Variants in FOXP4 observed in about 807,000 individuals in gnomAD.
FOXP4 encodes the protein forkhead box P4.
A neutral mutation model predicts 82.6 loss-of-function variants in FOXP4; 25 were observed. The observed-to-expected ratio is 0.30, with a 90% CI of 0.22 to 0.42. FOXP4 has a LOEUF of 0.42. Among genes scored for constraint, FOXP4 ranks in the 10% least tolerant of loss-of-function variants. FOXP4 has a pLI of 1.00. For missense variants in FOXP4, 785 were observed against 900.9 expected (o/e 0.87, Z 1.65); for synonymous variants, 415 against 388.2 (o/e 1.07, Z -0.81).
At chr6:41,590,618 A>G (rs1349414694) in intron 12 of FOXP4, among the ~76,000 whole-genome samples, 1 of 152,074 alleles carries the variant, frequency 6.6e-6, no homozygotes, top group Non-Finnish European at 1.5e-5. Flanking sequence ...ATTTCCACGT[A>G]CACAGCCCGC....
chr6:41,597,276 C>T lies in FOXP4; in HGVS notation c.1725+34C>T, dbSNP rs768763448. 5.6e-6 allele frequency: 9 copies of T among 1,604,812 alleles called. No homozygotes were observed. The Admixed American group carries it at 1.0e-4, about 18-fold the overall frequency. ...CCCAGAGCCCACCCACTCACCTCTACCTCCCGCCCCCTTGCTTTCTCATAC... is the reference window on the plus strand; with the variant it reads ...CCCAGAGCCCACCCACTCACCTCTATCTCCCGCCCCCTTGCTTTCTCATAC... On this transcript the variant is annotated intron_variant, in intron 15 of 16. Transcript: ENST00000307972.
intron 3 of FOXP4, among the ~76,000 whole-genome samples, chr6:41,584,335 G>C (rs996511253): frequency 2.0e-5 from 3 of 152,218 alleles, no homozygotes; most frequent in Admixed American, 1.3e-4. Flanking sequence ...AATAGACTGC[G>C]TGAGACTATG....
chr6:41,564,827 T>G (rs1210786546), intron 1 of FOXP4, among the ~76,000 whole-genome samples: 1 of 152,210 alleles, frequency 6.6e-6, no homozygotes, highest in Non-Finnish European at 1.5e-5. Context: ...CTTCCTTCAC[T>G]GCACACCTCC....
chr6:41,576,700 A>G (rs1765508809), intron 2 of FOXP4, among the ~76,000 whole-genome samples: 1 of 152,166 alleles, frequency 6.6e-6, no homozygotes, highest in Non-Finnish European at 1.5e-5. Flanking sequence ...GATGCCAAAC[A>G]TTGGTCCTTT....
At chr6:41,574,947 T>C (rs1765392109) in intron 2 of FOXP4, among the ~76,000 whole-genome samples, 1 of 150,482 alleles carries the variant, frequency 6.6e-6, no homozygotes. Context: ...TTATCATTCG[T>C]GTTTTGTTTT....
At chr6:41,557,442 T>C (rs1764336773) in intron 1 of FOXP4, among the ~76,000 whole-genome samples, 1 of 152,212 alleles carries the variant, frequency 6.6e-6, no homozygotes, top group South Asian at 2.1e-4. Flanking sequence ...CCATAGAGTA[T>C]CCTGTTCCCA....
chr6:41,554,143 C>A (rs1007415886), intron 1 of FOXP4, among the ~76,000 whole-genome samples: 1 of 152,168 alleles, frequency 6.6e-6, no homozygotes, highest in East Asian at 1.9e-4. Flanking sequence ...TTATCACTCT[C>A]ATTTGATAGG....
intron 2 of FOXP4, among the ~76,000 whole-genome samples, chr6:41,575,357 A>G (rs1765420996): frequency 1.3e-5 from 2 of 152,124 alleles, no homozygotes; most frequent in South Asian, 2.1e-4. Context: ...GTGTATCCCC[A>G]GCCCCTAGCC....
chr6:41,555,846 A>G (rs1002658753), intron 1 of FOXP4, among the ~76,000 whole-genome samples: 1 of 152,224 alleles, frequency 6.6e-6, no homozygotes, highest in Non-Finnish European at 1.5e-5. Flanking sequence ...TGCATTAGTA[A>G]CAAGCAGGGA....
intron 2 of FOXP4, among the ~76,000 whole-genome samples, chr6:41,570,742 G>C (rs777442702): frequency 5.3e-5 from 8 of 152,180 alleles, no homozygotes; most frequent in Non-Finnish European, 1.0e-4. Flanking sequence ...TGGGGATACA[G>C]AGGAGAATTT....
In FOXP4 at chr6:41,597,054, G is replaced by A; in HGVS notation, c.1659-122G>A. ...CCAAGACAGCGGCTGATCCGCCCTGGCCTCCCGGAATAGGGAATGGGACCC... is the reference window on the plus strand; with the variant it reads ...CCAAGACAGCGGCTGATCCGCCCTGACCTCCCGGAATAGGGAATGGGACCC... On this transcript the variant is annotated intron_variant, in intron 14 of 16. Transcript: ENST00000307972. 7.8e-6 allele frequency: 8 copies of A among 1,024,964 alleles called. No homozygotes were observed. In the South Asian group the frequency reaches 1.1e-4, roughly 14 times the overall value. 63.5% of individuals were successfully genotyped at this position (1,024,964 alleles called of 1,614,324 possible).
chr6:41,589,942 T>C (rs1159587172), intron 10 of FOXP4, 21 bp from the exon 11 acceptor site: 1 of 1,613,296 alleles, frequency 6.2e-7, no homozygotes, highest in Admixed American at 1.7e-5. Context: ...CTGGTCTCAG[T>C]ACCCTCCCCG....
intron 2 of FOXP4, among the ~76,000 whole-genome samples, chr6:41,568,629 C>T (rs1348712848): frequency 6.6e-6 from 1 of 152,184 alleles, no homozygotes; most frequent in Non-Finnish European, 1.5e-5. Flanking sequence ...TCTGCAAACT[C>T]GATAGGAAGT....
At chr6:41,567,163 G>A (rs951857764) in intron 2 of FOXP4, among the ~76,000 whole-genome samples, 1 of 152,190 alleles carries the variant, frequency 6.6e-6, no homozygotes. Context: ...TTAACCAGTG[G>A]CATGACCTTG....
chr6:41,555,074 C>A (rs1349419868), intron 1 of FOXP4, among the ~76,000 whole-genome samples: 1 of 152,002 alleles, frequency 6.6e-6, no homozygotes, highest in Non-Finnish European at 1.5e-5. Context: ...TATGGTGAAA[C>A]CCCCTCTCTA....
chr6:41,587,453 C>A lies in FOXP4; in HGVS notation c.813C>A (p.Pro271=), dbSNP rs144343674. Residue 271 remains proline, a synonymous_variant, in exon 7 of 17, where the codon CCC becomes CCA. Transcript: ENST00000307972. ...CCGCTCCCCCCAAGGTCTCACCCCC[C>A]CTCTCCCACCATACCCTGCCCAACG... The part of the protein sequence containing the change: ...SFAAPPKVSP[P]LSHHTLPNGQ... 32 of 1,556,804 alleles carry A rather than the reference C, an allele frequency of 2.1e-5. No homozygotes were observed. Among genetic ancestry groups the A allele is most frequent in the Admixed American group, 3.8e-5 (2 of 53,110 alleles).
chr6:41,561,182 G>A (rs1180391527), intron 1 of FOXP4, among the ~76,000 whole-genome samples: 1 of 152,246 alleles, frequency 6.6e-6, no homozygotes, highest in Admixed American at 6.5e-5. Flanking sequence ...GGAGCCTCTA[G>A]GCCTGACATA....
chr6:41,580,276 A>T (rs543923231), intron 3 of FOXP4, among the ~76,000 whole-genome samples: 26 of 152,178 alleles, frequency 1.7e-4, no homozygotes, highest in African/African-American at 6.0e-4. Context: ...GGTTTTCTCC[A>T]TGTTGGTCAG....
chr6:41,561,135 G>A (rs997191283), intron 1 of FOXP4, among the ~76,000 whole-genome samples: 2 of 152,224 alleles, frequency 1.3e-5, no homozygotes, highest in African/African-American at 2.4e-5. Context: ...AGAGGCAGCC[G>A]CGGCTTTGAC....
Sources: gnomAD v4.1 joint callset for allele counts (sites outside exome capture counted in the v4.1 genomes callset) on GRCh38, gnomAD v4.1.1 for gene constraint, MANE v1.5 for transcripts, NCBI Gene and HGNC (gene_info 2026-07-23, HGNC 2026-07-21) for gene names.